MRPS6: variants seen among roughly 807,000 people sequenced by gnomAD.
MRPS6 encodes small ribosomal subunit protein bS6m.
In MRPS6, 6 loss-of-function variants were observed where a neutral mutation model predicts 13.1. The ratio of observed to expected loss-of-function variants is 0.46; its 90% CI spans 0.25 to 0.91. MRPS6 has a LOEUF of 0.91. MRPS6 is among the 40% of genes least tolerant of loss of function. The probability of loss-of-function intolerance (pLI) is 0.18; values close to 1 mark genes in which losing one functional copy is unlikely to be tolerated. For synonymous variants in MRPS6, 61 were observed against 56.5 expected (o/e 1.08, Z -0.36); for missense variants, 164 against 155.6 (o/e 1.05, Z -0.29).
At chr21:34,086,516 TTTG>T (rs1556003282) in intron 1 of MRPS6, among the ~76,000 whole-genome samples, 2 of 76,862 alleles carry the variant, frequency 2.6e-5, no homozygotes, top group Non-Finnish European at 5.4e-5. Context: ...CTAGTTTGTG[TTTG>T]TGTGTGTGTG....
Position 34,097,913 on chromosome 21 carries a change from C to T in MRPS6, c.45+24168C>T, listed in dbSNP as rs555487960. On this transcript the variant is annotated intron_variant, in intron 1 of 2. Transcript: ENST00000399312. ...GCATGAGCCTACGGATTCTGATTTC[C>T]CAAAGAAAGAATGTTTTCCTGTAGG... 117 of 997,146 alleles carry T rather than the reference C, an allele frequency of 1.2e-4. No homozygotes were observed. The African/African-American group carries it at 2.0e-3, about 17-fold the overall frequency. The allele number at this position is 997,146 out of a possible 1,614,324, so 61.8% of individuals were successfully genotyped here. A position where few individuals can be genotyped will look rare whatever the true frequency, so the allele number is the denominator to read the frequency against.
At chr21:34,130,896 A>G (rs1429623698) in intron 2 of MRPS6, among the ~76,000 whole-genome samples, 2 of 152,300 alleles carry the variant, frequency 1.3e-5, no homozygotes, top group East Asian at 3.9e-4. Context: ...TGATTCTATA[A>G]TTAGCACCAC....
intron 1 of MRPS6, chr21:34,103,511 C>G (rs141152557): frequency 1.7e-5 from 17 of 999,114 alleles, no homozygotes; most frequent in Admixed American, 6.2e-5. Flanking sequence ...ATAGGTATAT[C>G]GAGAACAGGT....
chr21:34,106,005 A>G (rs1224788664), intron 1 of MRPS6: 1 of 995,528 alleles, frequency 1.0e-6, no homozygotes, highest in African/African-American at 1.7e-5. Context: ...TGTTTAAAAA[A>G]TGAAAAAAGC....
chr21:34,085,500 A>C (rs1226560623), intron 1 of MRPS6, among the ~76,000 whole-genome samples: 1 of 152,126 alleles, frequency 6.6e-6, no homozygotes, highest in African/African-American at 2.4e-5. Flanking sequence ...CATTGGTTTT[A>C]GCATCTGTTG....
chr21:34,082,856 C>T (rs2071262991), intron 1 of MRPS6, among the ~76,000 whole-genome samples: 1 of 152,078 alleles, frequency 6.6e-6, no homozygotes, highest in Non-Finnish European at 1.5e-5. Flanking sequence ...GTTTTGCTTC[C>T]CCTTGCAATC....
Position 34,135,346 on chromosome 21 carries a change from GTTTTTTT to G in MRPS6, c.186-7042_186-7036del, listed in dbSNP as rs747809642. The G allele has an allele frequency of 5.4e-5, 8 of 147,124 alleles. No individual in the cohort carries two copies. In the East Asian group the frequency reaches 5.6e-4, roughly 10 times the overall value. 9.1% of individuals were successfully genotyped at this position (147,124 alleles called of 1,614,324 possible). A position where few individuals can be genotyped will look rare whatever the true frequency, so the allele number is the denominator to read the frequency against. On this transcript the variant is annotated intron_variant, in intron 2 of 2. Coordinates refer to ENST00000399312, the MANE Select transcript of MRPS6 (RefSeq NM_032476.4). ...ATACCAGCAATGTATATGAGAGCCG[GTTTTTTT>G]TTTTTTTTTTTTTTTTTTTGTGGTG... is the stretch of plus-strand genomic sequence containing the variant.
At chr21:34,099,281 G>A (rs901887969) in intron 1 of MRPS6, 4 of 1,000,028 alleles carry the variant, frequency 4.0e-6, no homozygotes, top group East Asian at 1.1e-4. Flanking sequence ...TTGAGGCTGC[G>A]ACATGTCCAA....
intron 1 of MRPS6, chr21:34,101,716 T>C: frequency 1.0e-6 from 1 of 997,050 alleles, no homozygotes; most frequent in Non-Finnish European, 1.2e-6. Flanking sequence ...TTGAGGACTT[T>C]TAGATCCAAA....
intron 1 of MRPS6, chr21:34,102,549 CACTTT>C (rs1229006837): frequency 3.0e-6 from 3 of 999,540 alleles, no homozygotes; most frequent in African/African-American, 3.5e-5. Flanking sequence ...TAATCTTGTG[CACTTT>C]ACTTTTTGGG....
chr21:34,119,966 C>G (rs928606027), intron 1 of MRPS6, among the ~76,000 whole-genome samples: 1 of 152,188 alleles, frequency 6.6e-6, no homozygotes. Context: ...ATTAGCATCT[C>G]TAGAACTGTG....
chr21:34,095,080 T>C (rs1978902502), intron 1 of MRPS6: 1 of 1,286,104 alleles, frequency 7.8e-7, no homozygotes, highest in Non-Finnish European at 1.1e-6. Flanking sequence ...TTGACCCTGC[T>C]GTGTTGCTCT....
At chr21:34,137,901 CA>C (rs1980764761) in intron 2 of MRPS6, among the ~76,000 whole-genome samples, 1 of 151,786 alleles carries the variant, frequency 6.6e-6, no homozygotes, top group Non-Finnish European at 1.5e-5. Context: ...ATTTGAATTA[CA>C]TTTTTTTTCA....
chr21:34,096,221 A>T lies in MRPS6; in HGVS notation c.45+22476A>T. 3 of 1,614,160 alleles carry T rather than the reference A, an allele frequency of 1.9e-6. No individual in the cohort carries two copies. Among genetic ancestry groups the T allele is most frequent in the Non-Finnish European group, 2.5e-6 (3 of 1,180,012 alleles). ...CAGAGCACTGCATGCTGGTGTGTGG[A>T]AGCAGAGCTGGTTGCTCCAATATTG... On this transcript the variant is annotated intron_variant, in intron 1 of 2. Coordinates refer to ENST00000399312, the MANE Select transcript of MRPS6 (RefSeq NM_032476.4). This position sits in a 1 kb window ranked among gnomAD's most constrained non-coding sequence, Gnocchi z 5.9.
intron 1 of MRPS6, chr21:34,098,374 T>C (rs16991196): frequency 2.0e-6 from 2 of 1,000,298 alleles, no homozygotes; most frequent in Non-Finnish European, 2.4e-6. Context: ...ATTGCTCTAC[T>C]TGATTAGATC....
At chr21:34,113,629 A>AG (rs1790027031) in intron 1 of MRPS6, among the ~76,000 whole-genome samples, 2 of 152,208 alleles carry the variant, frequency 1.3e-5, no homozygotes, top group South Asian at 4.1e-4. Context: ...CTTGAATTTA[A>AG]GCATCACTGC....
intron 1 of MRPS6, among the ~76,000 whole-genome samples, chr21:34,114,502 T>TA (rs144499464): frequency 0.058 from 8,830 of 152,236 alleles, 321 homozygotes; most frequent in Middle Eastern, 0.12. Flanking sequence ...AAAAAAATCT[T>TA]AGTGTCCAGG....
At chr21:34,077,649 A>C (rs1569411710) in intron 1 of MRPS6, among the ~76,000 whole-genome samples, 1 of 152,226 alleles carries the variant, frequency 6.6e-6, no homozygotes, top group Non-Finnish European at 1.5e-5. Context: ...GTTCTTATTA[A>C]AACAAACAGT....
At chr21:34,136,485 G>A (rs1980709173) in intron 2 of MRPS6, among the ~76,000 whole-genome samples, 1 of 152,158 alleles carries the variant, frequency 6.6e-6, no homozygotes, top group African/African-American at 2.4e-5. Context: ...AACACTTGGT[G>A]TGGTCAGCCT....
Sources: gnomAD v4.1 joint callset for allele counts (sites outside exome capture counted in the v4.1 genomes callset) on GRCh38, gnomAD v4.1.1 for gene constraint, Gnocchi (gnomAD v3.1) non-coding constraint, MANE v1.5 for transcripts, NCBI Gene and HGNC (gene_info 2026-07-23, HGNC 2026-07-21) for gene names.